The following ARIH1 variants were observed in gnomAD, a reference collection of about 807,000 sequenced individuals.
ARIH1 encodes the protein E3 ubiquitin-protein ligase ARIH1.
A neutral mutation model predicts 85.0 loss-of-function variants in ARIH1; 8 were observed. The observed-to-expected ratio is 0.09, with a 90% CI of 0.06 to 0.17. The LOEUF (loss-of-function observed/expected upper bound fraction) is 0.17, where lower values mean the gene tolerates loss of function less well. Among genes scored for constraint, ARIH1 ranks in the 10% least tolerant of loss-of-function variants. The probability of loss-of-function intolerance (pLI) is 1.00; values close to 1 mark genes in which losing one functional copy is unlikely to be tolerated. For synonymous variants in ARIH1, 238 were observed against 253.6 expected (o/e 0.94, Z 0.59); for missense variants, 311 against 718.1 (o/e 0.43, Z 6.48).
At chr15:72,538,399 A>C (rs1433545398) in intron 2 of ARIH1, among the ~76,000 whole-genome samples, 1 of 152,212 alleles carries the variant, frequency 6.6e-6, no homozygotes, top group Non-Finnish European at 1.5e-5. Context: ...TACAGCGTAC[A>C]AAAGCCTACT....
chr15:72,511,838 C>G (rs1056552858), intron 1 of ARIH1, among the ~76,000 whole-genome samples: 4 of 152,090 alleles, frequency 2.6e-5, no homozygotes, highest in Admixed American at 6.5e-5. Context: ...AGTGCCTCTT[C>G]TAGGCACTTC....
At chr15:72,503,380 A>G (rs541745074) in intron 1 of ARIH1, among the ~76,000 whole-genome samples, 1 of 152,310 alleles carries the variant, frequency 6.6e-6, no homozygotes, top group South Asian at 2.1e-4. Context: ...ATTTAGAGGC[A>G]GTTGTGACAG....
At chr15:72,558,503 T>C (rs569608132) in intron 5 of ARIH1, among the ~76,000 whole-genome samples, 1 of 152,320 alleles carries the variant, frequency 6.6e-6, no homozygotes, top group South Asian at 2.1e-4. Context: ...AGTTTCGTCA[T>C]GTTGGCCAGG....
In ARIH1 at chr15:72,498,961, A is replaced by ATTTT. The variant is rs535261674; in HGVS notation, c.376-19072_376-19069dup. On this transcript the variant is annotated intron_variant, in intron 1 of 13. Coordinates refer to ENST00000379887, the MANE Select transcript of ARIH1 (RefSeq NM_005744.5). ...TTATGTCGTTTGCACCTTTTCATAA[A>ATTTT]TTTTTTTTTTTTTTTTTTTTTTTTT... Among the ~76,000 whole-genome samples, 51 of 88,424 alleles carry ATTTT rather than the reference A, an allele frequency of 5.8e-4. 8 individuals carry two copies. The highest frequency in any genetic ancestry group is 1.7e-3 in the African/African-American group (36 of 21,446). 58.0% of individuals were successfully genotyped at this position (88,424 alleles called of 152,430 possible). A position where few individuals can be genotyped will look rare whatever the true frequency, so the allele number is the denominator to read the frequency against.
intron 4 of ARIH1, 102 bp downstream of exon 4, chr15:72,555,465 C>A: frequency 1.3e-6 from 1 of 792,296 alleles, no homozygotes; most frequent in Non-Finnish European, 2.0e-6. Context: ...CTTTATGTGT[C>A]ATGATTCTAG....
At chr15:72,553,082 G>C (rs1431212791) in intron 3 of ARIH1, among the ~76,000 whole-genome samples, 1 of 152,084 alleles carries the variant, frequency 6.6e-6, no homozygotes, top group Non-Finnish European at 1.5e-5. Flanking sequence ...GCCTAGGGAG[G>C]CTTATTTTTC....
rs2064353364 is a variant in ARIH1, at chr15:72,594,114, T to C, written c.*10822T>C. 1 of 152,012 alleles carries C rather than the reference T, an allele frequency of 6.6e-6. No individual in the cohort carries two copies. Among genetic ancestry groups the C allele is most frequent in the Admixed American group, 6.5e-5 (1 of 15,278 alleles). 9.4% of individuals were successfully genotyped at this position (152,012 alleles called of 1,614,324 possible). On this transcript the variant is annotated 3_prime_UTR_variant, in exon 14 of 14. Transcript: ENST00000379887. ...AACACTTGCTTATCTTACATTAGAC[T>C]TTTTCTTAAGCATTTGATTTTTAAA... is the stretch of plus-strand genomic sequence containing the variant.
rs1432723630 is a variant in ARIH1, at chr15:72,601,189, T to C, written c.*17897T>C. 1 of 152,216 alleles carries C rather than the reference T, an allele frequency of 6.6e-6. No homozygotes were observed. The highest frequency in any genetic ancestry group is 1.5e-5 in the Non-Finnish European group (1 of 68,052). The allele number at this position is 152,216 out of a possible 1,614,324, so 9.4% of individuals were successfully genotyped here. The stretch of plus-strand genomic sequence containing the variant: ...ATCACACTAGTCCAAGTGAAGTGTT[T>C]CATCATCTCATTTGCAGCATCCTTT... On this transcript the variant is annotated 3_prime_UTR_variant, in exon 14 of 14. Coordinates refer to ENST00000379887, the MANE Select transcript of ARIH1 (RefSeq NM_005744.5).
rs1427155619 is a variant in ARIH1 at position 72,589,158 on chromosome 15, C to T, written c.*5866C>T. 6.6e-6 allele frequency: 1 copy of T among 152,128 alleles called. No individual in the cohort carries two copies. Among genetic ancestry groups the T allele is most frequent in the Non-Finnish European group, 1.5e-5 (1 of 68,018 alleles). 9.4% of individuals were successfully genotyped at this position (152,128 alleles called of 1,614,324 possible). A position where few individuals can be genotyped will look rare whatever the true frequency, so the allele number is the denominator to read the frequency against. On this transcript the variant is annotated 3_prime_UTR_variant, in exon 14 of 14. Coordinates refer to ENST00000379887, the MANE Select transcript of ARIH1 (RefSeq NM_005744.5). ...CTGTATCTTCCAAGCAGCCCTAAAG[C>T]AAAATGGGCATTGTTACCCTATTTT...
chr15:72,499,164 C>A (rs1398272999), intron 1 of ARIH1, among the ~76,000 whole-genome samples: 2 of 151,570 alleles, frequency 1.3e-5, no homozygotes, highest in African/African-American at 4.8e-5. Flanking sequence ...TTAGTAGAGA[C>A]GGGGTTTCAC....
At chr15:72,544,799 C>T in intron 2 of ARIH1, 21 bp from the exon 3 acceptor site, 1 of 1,599,448 alleles carries the variant, frequency 6.3e-7, no homozygotes, top group Non-Finnish European at 8.5e-7. Flanking sequence ...GGCTCTTATC[C>T]TTTCTGTTTA....
intron 5 of ARIH1, among the ~76,000 whole-genome samples, chr15:72,558,190 T>A (rs867398912): frequency 1.1e-4 from 17 of 152,362 alleles, no homozygotes; most frequent in Middle Eastern, 3.4e-3. Context: ...TGGCTCTTAA[T>A]GTTTTGAGGT....
intron 10 of ARIH1, among the ~76,000 whole-genome samples, chr15:72,570,517 G>T (rs1434667876): frequency 6.6e-6 from 1 of 152,088 alleles, no homozygotes; most frequent in Non-Finnish European, 1.5e-5. Context: ...AACTTTAAGG[G>T]GACCAAGAGT....
intron 1 of ARIH1, among the ~76,000 whole-genome samples, chr15:72,502,426 C>T (rs1337700917): frequency 6.6e-6 from 1 of 152,172 alleles, no homozygotes; most frequent in East Asian, 1.9e-4. Flanking sequence ...CATATCTCAG[C>T]AAAATTTCAA....
At chr15:72,567,027 G>T in intron 8 of ARIH1, 79 bp from the exon 9 acceptor site, 2 of 1,044,736 alleles carry the variant, frequency 1.9e-6, no homozygotes, top group South Asian at 1.5e-5. Flanking sequence ...ATTTAAGCTT[G>T]ACTATAGTTA....
At chr15:72,476,921 A>G (rs568945985) in intron 1 of ARIH1, among the ~76,000 whole-genome samples, 2 of 152,242 alleles carry the variant, frequency 1.3e-5, no homozygotes, top group South Asian at 2.1e-4. Context: ...TTATATGATT[A>G]TAGATCTGAA....
chr15:72,482,158 A>G (rs1353022360), intron 1 of ARIH1, among the ~76,000 whole-genome samples: 1 of 152,148 alleles, frequency 6.6e-6, no homozygotes, highest in African/African-American at 2.4e-5. Flanking sequence ...TAGACAAACT[A>G]AACTAGTGAC....
In ARIH1 at chr15:72,583,553, C is replaced by T. The variant is rs1313781907; in HGVS notation, c.*261C>T. ...AAAGCCCTCCAACTTTAACTTGTAA[C>T]GTAGCTTCATTCTCAAAGCTGACTC... On this transcript the variant is annotated 3_prime_UTR_variant, in exon 14 of 14. Transcript: ENST00000379887. 4 of 361,206 alleles carry T rather than the reference C, an allele frequency of 1.1e-5. No individual in the cohort carries two copies. The highest frequency in any genetic ancestry group is 4.2e-5 in the East Asian group (1 of 23,834). 22.4% of individuals were successfully genotyped at this position (361,206 alleles called of 1,614,324 possible).
chr15:72,487,874 C>G (rs924788612), intron 1 of ARIH1, among the ~76,000 whole-genome samples: 2 of 152,232 alleles, frequency 1.3e-5, no homozygotes, highest in Non-Finnish European at 2.9e-5. Flanking sequence ...GCTTCCCCAT[C>G]TTAACATAGC....
Sources: allele counts gnomAD v4.1 joint callset (sites outside exome capture counted in the v4.1 genomes callset), GRCh38; gene constraint gnomAD v4.1.1; transcripts MANE v1.5; gene names NCBI Gene and HGNC (gene_info 2026-07-23, HGNC 2026-07-21).